Variants in SLC3A1 observed in about 807,000 individuals in gnomAD.
The protein encoded by SLC3A1 is solute carrier family 3 member 1.
Under a neutral mutation model 60.3 loss-of-function variants are expected in SLC3A1, and 78 were observed. The observed-to-expected ratio is 1.29, with a 90% confidence interval of 1.08 to 1.56. The LOEUF is 1.56. Among genes scored for constraint, SLC3A1 ranks in the 40% most tolerant of loss-of-function variants. The probability of loss-of-function intolerance (pLI) is 0.00; values close to 1 mark genes in which losing one functional copy is unlikely to be tolerated. For synonymous variants in SLC3A1, 392 were observed against 307.9 expected (o/e 1.27, Z -2.86); for missense variants, 1,172 against 858.9 (o/e 1.36, Z -4.56).
rs1224783949 is a variant in SLC3A1 at position 44,320,446 on chromosome 2, T to A, written c.1865T>A (p.Leu622Ter). ...CTTCCCGCTAAAATGAGAATAAGGT[T>A]AAGTACCAATTCTGCCGACAAAGGC... The part of the protein sequence containing the change: ...SGLPAKMRIR[L>*]STNSADKGSK... The change falls in exon 10 of 10, where the codon TTA (leucine) becomes TAA (stop). Residue 622 changes from leucine to a stop codon, truncating the protein, a stop_gained. Transcript: ENST00000260649. LOFTEE classifies it low-confidence loss of function (END_TRUNC). The A allele has an allele frequency of 6.2e-7, 1 of 1,613,992 alleles. No individual in the cohort carries two copies. The highest frequency in any genetic ancestry group is 1.3e-5 in the African/African-American group (1 of 74,932).
chr2:44,308,933 C>T lies in SLC3A1; in HGVS notation c.1333-3653C>T, dbSNP rs372917712. 3.9e-3 allele frequency among the ~76,000 whole-genome samples: 599 copies of T among 152,210 alleles called. 2 individuals carry two copies. The highest frequency in any genetic ancestry group is 0.013 in the African/African-American group (532 of 41,530). ...ATTTTTAGTAGAGACGGGGTTTCAC[C>T]GTGTTAGCCAAGATGGCCTCGGTCT... On this transcript the variant is annotated intron_variant, in intron 7 of 9. Coordinates refer to ENST00000260649, the MANE Select transcript of SLC3A1 (RefSeq NM_000341.4).
At chr2:44,313,146 C>A (rs1672340855) in intron 8 of SLC3A1, among the ~76,000 whole-genome samples, 1 of 152,104 alleles carries the variant, frequency 6.6e-6, no homozygotes, top group Non-Finnish European at 1.5e-5. Context: ...ACACTTATTT[C>A]TTTAGTTCTC....
At chr2:44,299,055 A>G (rs934454447) in intron 4 of SLC3A1, among the ~76,000 whole-genome samples, 2 of 138,816 alleles carry the variant, frequency 1.4e-5, no homozygotes, top group Non-Finnish European at 3.0e-5. Flanking sequence ...TTTTTTTTTA[A>G]AAGACAGAGT....
At chr2:44,313,204 T>A (rs1436487554) in intron 8 of SLC3A1, among the ~76,000 whole-genome samples, 1 of 152,206 alleles carries the variant, frequency 6.6e-6, no homozygotes, top group Admixed American at 6.5e-5. Flanking sequence ...GACCCTTTTC[T>A]TTTCTGTTAT....
intron 9 of SLC3A1, among the ~76,000 whole-genome samples, chr2:44,315,729 G>T (rs1411744729): frequency 6.8e-6 from 1 of 147,298 alleles, no homozygotes; most frequent in African/African-American, 2.5e-5. Flanking sequence ...AGTTCTAACA[G>T]AGACAGCACT....
intron 2 of SLC3A1, 40 bp from the exon 3 acceptor site, chr2:44,281,347 C>G: frequency 6.4e-7 from 1 of 1,560,402 alleles, no homozygotes. Context: ...TATTCTAATA[C>G]AATCTTTCCC....
chr2:44,283,307 C>T (rs1293775948), intron 3 of SLC3A1, among the ~76,000 whole-genome samples: 1 of 152,246 alleles, frequency 6.6e-6, no homozygotes, highest in Non-Finnish European at 1.5e-5. Context: ...GAGGAACAGG[C>T]TGTCAGCAAG....
At chr2:44,297,396 C>T (rs1265117825) in intron 4 of SLC3A1, among the ~76,000 whole-genome samples, 1 of 152,140 alleles carries the variant, frequency 6.6e-6, no homozygotes, top group Non-Finnish European at 1.5e-5. Flanking sequence ...CCAGCCTCTG[C>T]CTCCACACTT....
At chr2:44,285,648 A>C (rs1671595664) in intron 3 of SLC3A1, 1 of 480,508 alleles carries the variant, frequency 2.1e-6, no homozygotes, top group African/African-American at 2.0e-5. Context: ...AGATGAGCGG[A>C]ATGTTTCTTT....
intron 1 of SLC3A1, among the ~76,000 whole-genome samples, chr2:44,279,559 C>A (rs1056061214): frequency 6.6e-6 from 1 of 152,038 alleles, no homozygotes; most frequent in Non-Finnish European, 1.5e-5. Flanking sequence ...CTTCCGAGAC[C>A]AACACCGCCC....
chr2:44,298,347 C>T (rs1004860150), intron 4 of SLC3A1, among the ~76,000 whole-genome samples: 1 of 151,974 alleles, frequency 6.6e-6, no homozygotes, highest in Non-Finnish European at 1.5e-5. Context: ...TTATGCTCCT[C>T]TGGCCACACT....
At chr2:44,309,577 G>T (rs77484267) in intron 7 of SLC3A1, among the ~76,000 whole-genome samples, 4,656 of 152,204 alleles carry the variant, frequency 0.031, 104 homozygotes, top group Non-Finnish European at 0.04. Context: ...CCATGGAGTG[G>T]AATTGCTGGA....
At chr2:44,276,566 CAAGT>C (rs1384688353) in intron 1 of SLC3A1, among the ~76,000 whole-genome samples, 1 of 151,962 alleles carries the variant, frequency 6.6e-6, no homozygotes, top group Admixed American at 6.6e-5. Context: ...TAGTATAAAA[CAAGT>C]AAAGAATTAA....
At chr2:44,290,334 G>A (rs1379429952) in intron 4 of SLC3A1, among the ~76,000 whole-genome samples, 1 of 152,000 alleles carries the variant, frequency 6.6e-6, no homozygotes, top group Non-Finnish European at 1.5e-5. Flanking sequence ...AATTACTAGC[G>A]CTTTGTAGTA....
At chr2:44,312,009 T>C (rs2104383017) in intron 7 of SLC3A1, among the ~76,000 whole-genome samples, 1 of 152,306 alleles carries the variant, frequency 6.6e-6, no homozygotes, top group South Asian at 2.1e-4. Flanking sequence ...TGTCAGGTGA[T>C]TTAAATAAAT....
At chr2:44,298,064 T>A (rs189000679) in intron 4 of SLC3A1, among the ~76,000 whole-genome samples, 1 of 152,350 alleles carries the variant, frequency 6.6e-6, no homozygotes, top group East Asian at 1.9e-4. Flanking sequence ...TGCGTGGACA[T>A]AAGTTTTCAT....
chr2:44,303,227 A>G lies in SLC3A1; in HGVS notation c.1137-916A>G, dbSNP rs554971591. ...AAGAAACAATAACAAAAAAACAACC[A>G]ATATAGACTGAGATCCAATTTTTTT... On this transcript the variant is annotated intron_variant, in intron 6 of 9. Coordinates refer to ENST00000260649, the MANE Select transcript of SLC3A1 (RefSeq NM_000341.4). 3.4e-5 allele frequency among the ~76,000 whole-genome samples: 5 copies of G among 147,542 alleles called. No individual in the cohort carries two copies. The East Asian group carries it at 7.9e-4, about 23-fold the overall frequency.
chr2:44,281,792 C>G (rs565647496), intron 3 of SLC3A1, among the ~76,000 whole-genome samples: 4 of 152,136 alleles, frequency 2.6e-5, no homozygotes, highest in African/African-American at 9.6e-5. Context: ...TCTCCTTCCA[C>G]CCTTCCTTCA....
chr2:44,286,233 A>T, intron 4 of SLC3A1, 76 bp downstream of exon 4: 1 of 1,420,710 alleles, frequency 7.0e-7, no homozygotes, highest in Non-Finnish European at 9.9e-7. Flanking sequence ...TATATTGCAC[A>T]GTAATTGTGT....
Sources: allele counts gnomAD v4.1 joint callset (sites outside exome capture counted in the v4.1 genomes callset), GRCh38; gene constraint gnomAD v4.1.1; transcripts MANE v1.5; gene names NCBI Gene and HGNC (gene_info 2026-07-23, HGNC 2026-07-21).